Variants in PCDH11X observed in about 807,000 individuals in gnomAD.
PCDH11X encodes the protein protocadherin 11 X-linked, also known as protocadherin-11 X-linked.
Under a neutral mutation model 53.3 loss-of-function variants are expected in PCDH11X, and 18 were observed. The ratio of observed to expected loss-of-function variants is 0.34; its 90% CI spans 0.23 to 0.50. The LOEUF is 0.50. PCDH11X is among the 20% of genes least tolerant of loss of function. PCDH11X has a pLI of 0.98. For synonymous variants in PCDH11X, 279 were observed against 393.3 expected, an observed-to-expected ratio of 0.71 and a Z score of 3.44; for missense variants, 570 against 1,032.4, an observed-to-expected ratio of 0.55 and a Z score of 6.14.
chrX:91,870,436 A>C (rs1315498687), intron 5 of PCDH11X, among the ~76,000 whole-genome samples: 1 of 110,781 alleles, frequency 9.0e-6, no homozygotes, highest in East Asian at 2.8e-4. Context: ...CATTTTCAAG[A>C]ATCTTCCTGA....
Position 91,877,866 on chromosome X carries a change from A to C in PCDH11X, c.1626A>C (p.Ala542=). 1 of 1,211,866 alleles carries C rather than the reference A, an allele frequency of 8.3e-7. No individual in the cohort carries two copies. Among genetic ancestry groups the C allele is most frequent in the East Asian group, 3.0e-5 (1 of 33,844 alleles). ...ATAAATATTTATTCACAATTCTGGC[A>C]AAAGATAACGGGGTACCACCCTTAA... is the stretch of plus-strand genomic sequence containing the variant. ...KEDKYLFTIL[A]KDNGVPPLTS... is the part of the protein sequence containing the mutation. Residue 542 remains alanine (A), a synonymous_variant, in exon 6 of 11, where the codon GCA becomes GCC. Transcript: ENST00000682573.
intron 6 of PCDH11X, among the ~76,000 whole-genome samples, chrX:92,056,184 A>C (rs1217566980): frequency 9.0e-6 from 1 of 111,046 alleles, no homozygotes; most frequent in Non-Finnish European, 1.9e-5. Flanking sequence ...TTTCTCCACA[A>C]CCTCATCAGC....
intron 10 of PCDH11X, among the ~76,000 whole-genome samples, chrX:92,528,512 C>T (rs1490516492): frequency 9.0e-5 from 10 of 111,002 alleles, no homozygotes; most frequent in African/African-American, 2.0e-4. Flanking sequence ...ACGCTGGTCT[C>T]GAACTCCCGA....
intron 5 of PCDH11X, among the ~76,000 whole-genome samples, chrX:91,868,574 A>T (rs1450954799): frequency 9.0e-6 from 1 of 111,663 alleles, no homozygotes; most frequent in African/African-American, 3.3e-5. Context: ...CCTTCATATG[A>T]TCTTAAATTT....
intron 8 of PCDH11X, among the ~76,000 whole-genome samples, chrX:92,317,392 G>C (rs1263016507): frequency 9.0e-6 from 1 of 110,714 alleles, no homozygotes; most frequent in Non-Finnish European, 1.9e-5. Flanking sequence ...CTTTCTGTTT[G>C]TTAAAATAAT....
intron 6 of PCDH11X, among the ~76,000 whole-genome samples, chrX:92,112,861 G>T (rs2064549528): frequency 9.2e-6 from 1 of 109,090 alleles, no homozygotes; most frequent in Admixed American, 9.7e-5. Flanking sequence ...TCTAAAAAAG[G>T]CAGTGATTTA....
At chrX:91,807,460 G>A (rs1055291642) in intron 1 of PCDH11X, among the ~76,000 whole-genome samples, 1 of 111,387 alleles carries the variant, frequency 9.0e-6, no homozygotes, top group African/African-American at 3.3e-5. Flanking sequence ...ATGGTTTTGT[G>A]TGTGTGTGTC....
At chrX:92,492,511 A>G (rs2073783967) in intron 10 of PCDH11X, among the ~76,000 whole-genome samples, 1 of 111,685 alleles carries the variant, frequency 9.0e-6, no homozygotes, top group Non-Finnish European at 1.9e-5. Flanking sequence ...CTCTCTCACA[A>G]TTTTTCATAG....
At chrX:92,385,573 G>A (rs1187255349) in intron 8 of PCDH11X, among the ~76,000 whole-genome samples, 1 of 107,980 alleles carries the variant, frequency 9.3e-6, no homozygotes, top group Non-Finnish European at 1.9e-5. Context: ...GGTGGCTCAT[G>A]CCTGTAATCC....
At chrX:91,825,504 A>C (rs5984825) in intron 4 of PCDH11X, among the ~76,000 whole-genome samples, 1,163 of 111,329 alleles carry the variant, frequency 0.01, 16 homozygotes, top group African/African-American at 0.036. Context: ...TGCACTTTCC[A>C]AGTGAGGCAA....
intron 8 of PCDH11X, among the ~76,000 whole-genome samples, chrX:92,387,414 C>T (rs1333649551): frequency 8.9e-6 from 1 of 112,174 alleles, no homozygotes; most frequent in African/African-American, 3.2e-5. Context: ...TAAATAAATA[C>T]ATGTTAAAAT....
At chrX:91,816,139 A>C (rs111473006) in intron 4 of PCDH11X, among the ~76,000 whole-genome samples, 14,327 of 109,587 alleles carry the variant, frequency 0.13, 2,096 homozygotes, top group African/African-American at 0.42. Flanking sequence ...ACACCCCCCC[A>C]AAAAAAATCT....
At chrX:92,104,453 G>A (rs909796334) in intron 6 of PCDH11X, among the ~76,000 whole-genome samples, 4 of 110,937 alleles carry the variant, frequency 3.6e-5, no homozygotes, top group African/African-American at 1.3e-4. Context: ...ATGCCTGGAC[G>A]TCAGGCACCT....
intron 4 of PCDH11X, among the ~76,000 whole-genome samples, chrX:91,820,699 G>C (rs1569395332): frequency 9.8e-6 from 1 of 101,890 alleles, no homozygotes; most frequent in Admixed American, 9.9e-5. Context: ...TGTCAATTTT[G>C]TCTTTTGTTG....
At chrX:92,280,154 C>A (rs919154367) in intron 8 of PCDH11X, among the ~76,000 whole-genome samples, 7 of 111,987 alleles carry the variant, frequency 6.3e-5, no homozygotes, top group African/African-American at 2.3e-4. Flanking sequence ...CAAACATACT[C>A]GGTCTAGGTG....
intron 9 of PCDH11X, among the ~76,000 whole-genome samples, chrX:92,437,084 A>C (rs189985190): frequency 9.0e-5 from 10 of 110,947 alleles, no homozygotes; most frequent in African/African-American, 3.3e-4. Context: ...TATGTGTTGC[A>C]TGCCTGTATC....
At chrX:92,149,455 C>G (rs6618877) in intron 6 of PCDH11X, among the ~76,000 whole-genome samples, 68 of 83,133 alleles carry the variant, frequency 8.2e-4, no homozygotes, top group South Asian at 3.7e-3. Flanking sequence ...CTCTCTCTCT[C>G]TGTGTGTGTG....
At chrX:92,131,829 C>A (rs913946233) in intron 6 of PCDH11X, among the ~76,000 whole-genome samples, 1 of 108,704 alleles carries the variant, frequency 9.2e-6, no homozygotes, top group Admixed American at 1.0e-4. Flanking sequence ...TTCTTCAGAC[C>A]CCCAATAAAA....
At chrX:91,944,655 T>G (rs2147861126) in intron 6 of PCDH11X, among the ~76,000 whole-genome samples, 1 of 110,072 alleles carries the variant, frequency 9.1e-6, no homozygotes, top group South Asian at 3.8e-4. Flanking sequence ...TTTCTTTTAG[T>G]TGATCCCTTA....
Sources: gnomAD v4.1 joint callset for allele counts (sites outside exome capture counted in the v4.1 genomes callset) on GRCh38, gnomAD v4.1.1 for gene constraint, MANE v1.5 for transcripts, NCBI Gene and HGNC (gene_info 2026-07-23, HGNC 2026-07-21) for gene names.